The following TNFRSF14 variants were observed in gnomAD, a reference collection of about 807,000 sequenced individuals.
The protein encoded by TNFRSF14 is TNF receptor superfamily member 14.
In TNFRSF14, 18 loss-of-function variants were observed where a neutral mutation model predicts 34.1. That is an observed-to-expected ratio of 0.53 (90% CI 0.36 to 0.78). The LOEUF is 0.78. Ranked by LOEUF, TNFRSF14 falls within the 30% of genes least tolerant of loss-of-function variation. The pLI, the probability that TNFRSF14 is intolerant of heterozygous loss-of-function variation, is 0.00. For synonymous variants in TNFRSF14, 157 were observed against 153.2 expected, an observed-to-expected ratio of 1.02 and a Z score of -0.18; for missense variants, 352 against 379.5, an observed-to-expected ratio of 0.93 and a Z score of 0.60.
At chr1:2,556,812 T>C in intron 1 of TNFRSF14, 79 bp downstream of exon 1, 1 of 1,401,926 alleles carries the variant, frequency 7.1e-7, no homozygotes, top group Non-Finnish European at 9.6e-7. Context: ...CTCTTCCCCA[T>C]GCCCCTGTCC....
In TNFRSF14 at chr1:2,557,812, G is replaced by T; in HGVS notation, c.156G>T (p.Glu52Asp). 6.2e-7 allele frequency: 1 copy of T among 1,611,024 alleles called. No homozygotes were observed. The highest frequency in any genetic ancestry group is 1.3e-5 in the African/African-American group (1 of 74,980). ...CKEDEYPVGS[E>D]CCPKCSPGYR... ...AGGACGAGTACCCAGTGGGCTCCGA[G>T]TGCTGCCCCAAGTGCAGTCCAGGTA... Residue 52 changes from glutamate to aspartate, a missense_variant, in exon 2 of 8, where the codon GAG becomes GAT. Transcript: ENST00000355716.
At position 2,561,539 on chromosome 1, in the gene TNFRSF14, G is replaced by C. The variant is rs1273443376; in HGVS notation, c.552-134G>C. On this transcript the variant is annotated intron_variant, in intron 5 of 7. Transcript: ENST00000355716. The surrounding 1 kb of genome is among the most constrained non-coding windows in gnomAD (Gnocchi z 6.0). ...CAGACCTCTGAGGTCTCATCCTGGA[G>C]CTGCCACCAGCCCAGCCTCCCTGGG... The C allele has an allele frequency of 1.9e-6, 3 of 1,563,018 alleles. No individual in the cohort carries two copies. The highest frequency in any genetic ancestry group is 3.9e-5 in the Admixed American group (2 of 51,882).
chr1:2,559,426 T>A lies in TNFRSF14; in HGVS notation c.305-397T>A, dbSNP rs587777987. The A allele has an allele frequency of 2.2e-6, 3 of 1,387,804 alleles. No homozygotes were observed. The highest frequency in any genetic ancestry group is 2.9e-6 in the Non-Finnish European group (3 of 1,052,254). 86.0% of individuals were successfully genotyped at this position (1,387,804 alleles called of 1,614,324 possible). ...ACCCTACCTGCCTCTGCCATTGGAATGGCCTGGTTTGCACAGATGGGAAAC... is the reference window on the plus strand; with the variant it reads ...ACCCTACCTGCCTCTGCCATTGGAAAGGCCTGGTTTGCACAGATGGGAAAC... On this transcript the variant is annotated intron_variant, in intron 3 of 7. Transcript: ENST00000355716.
Position 2,556,495 on chromosome 1 carries a change from GC to G in TNFRSF14, c.-167del, listed in dbSNP as rs753405038. 174 of 742,482 alleles carry G rather than the reference GC, an allele frequency of 2.3e-4. 1 individual carries two copies. In the East Asian group the frequency reaches 4.5e-3, roughly 19 times the overall value. The allele number at this position is 742,482 out of a possible 1,614,324, so 46.0% of individuals were successfully genotyped here. ...TCTCTGCTGCCAGACACCCCCTGCT[GC>G]CCACTCTCCTGCTGCTCGGGTTCTG... is the stretch of plus-strand genomic sequence containing the variant. On this transcript the variant is annotated 5_prime_UTR_variant, in exon 1 of 8. Coordinates refer to ENST00000355716, the MANE Select transcript of TNFRSF14 (RefSeq NM_003820.4).
intron 4 of TNFRSF14, 104 bp from the exon 5 acceptor site, chr1:2,560,520 G>C (rs1009423440): frequency 2.5e-6 from 2 of 804,782 alleles, no homozygotes; most frequent in African/African-American, 3.4e-5. Flanking sequence ...CCCATCACCC[G>C]TAGAGCACCC....
Position 2,563,205 on chromosome 1 carries a change from C to G in TNFRSF14, c.784C>G (p.Pro262Ala), listed in dbSNP as rs1194483007. The G allele has an allele frequency of 1.2e-6, 2 of 1,613,394 alleles. No homozygotes were observed. The highest frequency in any genetic ancestry group is 2.7e-5 in the African/African-American group (2 of 74,938). ...ATVIEALQAP[P>A]DVTTVAVEET... is the part of the protein sequence containing the mutation. ...AGTCATTGAGGCCCTGCAGGCCCCT[C>G]CGGACGTCACCACGGTGGCCGTGGA... Residue 262 changes from proline to alanine, a missense_variant, in exon 8 of 8, where the codon CCG becomes GCG. By Grantham distance (27) the Pro-to-Ala change is conservative. Transcript: ENST00000355716.
In TNFRSF14 at chr1:2,556,764, C is replaced by T. The variant is rs200956841; in HGVS notation, c.69+31C>T. On this transcript the variant is annotated intron_variant, in intron 1 of 7. Coordinates refer to ENST00000355716, the MANE Select transcript of TNFRSF14 (RefSeq NM_003820.4). ...CCCCCGAGCCTCCTCTCCGTCTGCT[C>T]GCAGATCCCAGTTCTGACCCCAGGG... 552 of 1,564,222 alleles carry T rather than the reference C, an allele frequency of 3.5e-4. 1 individual carries two copies. The African/African-American group carries it at 6.2e-3, about 17-fold the overall frequency.
At chr1:2,559,366 C>T in intron 3 of TNFRSF14, 2 of 1,376,058 alleles carry the variant, frequency 1.5e-6, no homozygotes, top group Non-Finnish European at 1.9e-6. Flanking sequence ...AGCTTGTACC[C>T]CACCTCCACC....
chr1:2,558,648 C>T, intron 3 of TNFRSF14, 180 bp downstream of exon 3: 1 of 1,263,252 alleles, frequency 7.9e-7, no homozygotes, highest in South Asian at 1.4e-5. Flanking sequence ...CCTCCGGCCC[C>T]CGTCCACCTC....
At chr1:2,555,564 G>A (rs1644200985), upstream of TNFRSF14, 1 of 153,218 alleles carries the variant, frequency 6.5e-6, no homozygotes, top group Non-Finnish European at 1.5e-5. The surrounding 1 kb of genome is among the most constrained non-coding windows in gnomAD (Gnocchi z 6.3). Flanking sequence ...GGCGGTCCTG[G>A]GCCAGGCGTC....
At position 2,557,984 on chromosome 1, in the gene TNFRSF14, C is replaced by G. The variant is rs930501767; in HGVS notation, c.178+150C>G. The stretch of plus-strand genomic sequence containing the variant: ...AGGTGTGCAGACAGTGAGGGCAGAA[C>G]CCCCAGGCCAGCAGCTTGGACTCTT... On this transcript the variant is annotated intron_variant, in intron 2 of 7. Coordinates refer to ENST00000355716, the MANE Select transcript of TNFRSF14 (RefSeq NM_003820.4). 30 of 705,186 alleles carry G rather than the reference C, an allele frequency of 4.3e-5. No homozygotes were observed. In the African/African-American group the frequency reaches 4.7e-4, roughly 11 times the overall value. The allele number at this position is 705,186 out of a possible 1,614,324, so 43.7% of individuals were successfully genotyped here.
Position 2,563,418 on chromosome 1 carries a change from T to A in TNFRSF14, c.*145T>A, listed in dbSNP as rs996311399. 2 of 1,382,660 alleles carry A rather than the reference T, an allele frequency of 1.4e-6. No homozygotes were observed. Among genetic ancestry groups the A allele is most frequent in the East Asian group, 4.7e-5 (2 of 42,238 alleles). 85.6% of individuals were successfully genotyped at this position (1,382,660 alleles called of 1,614,324 possible). A position where few individuals can be genotyped will look rare whatever the true frequency, so the allele number is the denominator to read the frequency against. On this transcript the variant is annotated 3_prime_UTR_variant, in exon 8 of 8. Transcript: ENST00000355716. ...CCGTCTCCTCCAGTGGAGGGAGAGG[T>A]GGGGCCCCTGCTGGGGTAGAGCTGG... is the stretch of plus-strand genomic sequence containing the variant.
intron 4 of TNFRSF14, among the ~76,000 whole-genome samples, 184 bp downstream of exon 4, chr1:2,560,162 G>A (rs1429560828): frequency 1.3e-5 from 2 of 152,172 alleles, no homozygotes; most frequent in African/African-American, 4.8e-5. Context: ...GGGAACAGGT[G>A]ATGGAGGCAG....
chr1:2,561,975 GC>G lies in TNFRSF14; in HGVS notation c.694+162del. 2.5e-6 allele frequency: 2 copies of G among 815,560 alleles called. No individual in the cohort carries two copies. Among genetic ancestry groups the G allele is most frequent in the Non-Finnish European group, 3.9e-6 (2 of 516,594 alleles). The allele number at this position is 815,560 out of a possible 1,614,324, so 50.5% of individuals were successfully genotyped here. ...TGGGGCAGGTGGGCTTTCTGCTGTG[GC>G]CAGAGCCCAGGTGTCAGCTGGCCTC... On this transcript the variant is annotated intron_variant, in intron 6 of 7. Coordinates refer to ENST00000355716, the MANE Select transcript of TNFRSF14 (RefSeq NM_003820.4). This position sits in a 1 kb window ranked among gnomAD's most constrained non-coding sequence, Gnocchi z 6.0.
chr1:2,555,791 C>G (rs542744410), upstream of TNFRSF14: 7 of 153,252 alleles, frequency 4.6e-5, no homozygotes, highest in Admixed American at 3.9e-4. The surrounding 1 kb of genome is among the most constrained non-coding windows in gnomAD (Gnocchi z 6.3). Context: ...GAGGCCGTCA[C>G]GAGGGACTCA....
Position 2,556,593 on chromosome 1 carries a change from A to G in TNFRSF14, c.-72A>G. ...TCTCTTCTGGCCCACAGCCGCAGCA[A>G]TGGCGCTGAGTTCCTCTGCTGGAGT... On this transcript the variant is annotated 5_prime_UTR_variant, in exon 1 of 8. An upstream start codon of the reference 5' UTR is lost. Coordinates refer to ENST00000355716, the MANE Select transcript of TNFRSF14 (RefSeq NM_003820.4). The G allele has an allele frequency of 2.8e-6, 4 of 1,430,726 alleles. No homozygotes were observed. The highest frequency in any genetic ancestry group is 1.7e-4 in the Middle Eastern group (1 of 5,744). The allele number at this position is 1,430,726 out of a possible 1,614,324, so 88.6% of individuals were successfully genotyped here.
intron 6 of TNFRSF14, 186 bp downstream of exon 6, chr1:2,562,001 C>T (rs555312121): frequency 1.5e-6 from 1 of 675,720 alleles, no homozygotes; most frequent in Non-Finnish European, 2.5e-6. Flanking sequence ...CAGCTGGCCT[C>T]CCTGGGGGAA....
At chr1:2,556,192 C>T (rs1644208863), upstream of TNFRSF14, 2 of 420,674 alleles carry the variant, frequency 4.8e-6, no homozygotes, top group African/African-American at 2.0e-5. Context: ...CCCACAGGGC[C>T]CCTTTATTCG....
At position 2,558,380 on chromosome 1, in the gene TNFRSF14, C is replaced by T. The variant is rs1250087450; in HGVS notation, c.216C>T (p.Gly72=). The part of the protein sequence containing the change: ...RVKEACGELT[G]TVCEPCPPGT... ...AGGAGGCCTGCGGGGAGCTGACGGGCACAGTGTGTGAACCCTGCCCTCCAG... is the reference window on the plus strand; with the variant it reads ...AGGAGGCCTGCGGGGAGCTGACGGGTACAGTGTGTGAACCCTGCCCTCCAG... Residue 72 remains glycine (G), a synonymous_variant, in exon 3 of 8, where the codon GGC becomes GGT. Coordinates refer to ENST00000355716, the MANE Select transcript of TNFRSF14 (RefSeq NM_003820.4). The T allele has an allele frequency of 1.9e-6, 3 of 1,612,536 alleles. No homozygotes were observed. The highest frequency in any genetic ancestry group is 2.2e-5 in the East Asian group (1 of 44,806).
Sources: gnomAD v4.1 joint callset for allele counts (sites outside exome capture counted in the v4.1 genomes callset) on GRCh38, gnomAD v4.1.1 for gene constraint, Gnocchi (gnomAD v3.1) non-coding constraint, MANE v1.5 for transcripts, NCBI Gene and HGNC (gene_info 2026-07-23, HGNC 2026-07-21) for gene names.